Variants in LACC1 observed in about 807,000 individuals in gnomAD.
LACC1 encodes laccase domain multifunctional purine nucleosidase 1.
In LACC1, 25 loss-of-function variants were observed where a neutral mutation model predicts 34.8. The observed-to-expected ratio is 0.72, with a 90% CI of 0.52 to 1.00. LACC1 has a LOEUF of 1.00. Among genes scored for constraint, LACC1 ranks in the 50% least tolerant of loss-of-function variants. LACC1 has a pLI of 0.00. For missense variants in LACC1, 426 were observed against 511.2 expected (o/e 0.83, Z 1.61); for synonymous variants, 162 against 168.0 (o/e 0.96, Z 0.28).
intron 3 of LACC1, among the ~76,000 whole-genome samples, chr13:43,882,581 A>ATATATATATG: frequency 6.7e-6 from 1 of 148,336 alleles, no homozygotes; most frequent in South Asian, 2.1e-4. Flanking sequence ...ATATATATAT[A>ATATATATATG]TATATGCACA....
At chr13:43,881,825 G>A (rs569370422) in intron 2 of LACC1, among the ~76,000 whole-genome samples, 1 of 152,278 alleles carries the variant, frequency 6.6e-6, no homozygotes, top group South Asian at 2.1e-4. Context: ...TGAGATTTAT[G>A]ACACTGAAAA....
At chr13:43,882,113 C>A in intron 2 of LACC1, 72 bp from the exon 3 acceptor site, 1 of 1,168,230 alleles carries the variant, frequency 8.6e-7, no homozygotes, top group Non-Finnish European at 1.2e-6. Flanking sequence ...TAGCAGTGAT[C>A]AGGGAAGGTC....
chr13:43,891,422 C>T, intron 6 of LACC1, 27 bp from the exon 7 acceptor site: 1 of 971,914 alleles, frequency 1.0e-6, no homozygotes, highest in African/African-American at 1.8e-5. Flanking sequence ...GTAAGCGTCT[C>T]ATATTTGATT....
chr13:43,881,105 G>A lies in LACC1; in HGVS notation c.120G>A (p.Lys40=), dbSNP rs753772300. ...AATACCACCATGCTGCCAAGGCCAAGTTTCTCTGTATAATGTGTTGCAGTA... is the reference window on the plus strand; with the variant it reads ...AATACCACCATGCTGCCAAGGCCAAATTTCTCTGTATAATGTGTTGCAGTA... ...AVQYHHAAKA[K]FLCIMCCSNI... is the part of the protein sequence containing the mutation. The change falls in exon 2 of 7, where the codon AAG becomes AAA. Residue 40 remains lysine (K), a synonymous_variant. Transcript: ENST00000325686. 6.2e-7 allele frequency: 1 copy of A among 1,614,180 alleles called. No individual in the cohort carries two copies. The highest frequency in any genetic ancestry group is 1.1e-5 in the South Asian group (1 of 91,082).
At position 43,892,511 on chromosome 13, in the gene LACC1, G is replaced by A. The variant is rs1247916506; in HGVS notation, c.*1064G>A. On this transcript the variant is annotated 3_prime_UTR_variant, in exon 7 of 7. Coordinates refer to ENST00000325686, the MANE Select transcript of LACC1 (RefSeq NM_153218.4). The stretch of plus-strand genomic sequence containing the variant: ...AGATTGGCAACAAAGGGAGGGAGAA[G>A]GTTTGGAAAAAGAGAGAAGGATAAT... The A allele has an allele frequency of 6.6e-6, 1 of 151,888 alleles. No individual in the cohort carries two copies. The highest frequency in any genetic ancestry group is 6.6e-5 in the Admixed American group (1 of 15,232). 9.4% of individuals were successfully genotyped at this position (151,888 alleles called of 1,614,324 possible). A position where few individuals can be genotyped will look rare whatever the true frequency, so the allele number is the denominator to read the frequency against.
At chr13:43,879,778 T>TGAGGCGGGGC (rs1209415415), upstream of LACC1, 9,232 of 103,184 alleles carry the variant, frequency 0.089, 524 homozygotes, top group African/African-American at 0.16. Flanking sequence ...GGGGGCGAGG[T>TGAGGCGGGGC]GAGGCGGGGC....
chr13:43,889,213 G>A (rs1955463129), intron 5 of LACC1, among the ~76,000 whole-genome samples: 2 of 152,106 alleles, frequency 1.3e-5, no homozygotes, highest in Admixed American at 6.6e-5. Context: ...AAAAGTGAAG[G>A]AAGAAATATT....
intron 2 of LACC1, among the ~76,000 whole-genome samples, chr13:43,881,795 A>C (rs188578917): frequency 1.1e-4 from 16 of 152,336 alleles, no homozygotes; most frequent in Admixed American, 7.8e-4. Context: ...TGAGACAAAT[A>C]ATCTAGCCCT....
At chr13:43,884,007 T>C in intron 4 of LACC1, 71 bp downstream of exon 4, 1 of 1,306,588 alleles carries the variant, frequency 7.7e-7, no homozygotes, top group East Asian at 2.3e-5. Context: ...AATTTCTTTC[T>C]GATGGACATG....
In LACC1 at chr13:43,881,032, C is replaced by G. The variant is rs1292362932; in HGVS notation, c.47C>G (p.Ser16Cys). The G allele has an allele frequency of 1.2e-6, 2 of 1,613,948 alleles. No homozygotes were observed. The highest frequency in any genetic ancestry group is 1.7e-6 in the Non-Finnish European group (2 of 1,179,996). ...LIDLFGLKLN[S>C]QKNCHQTLLK... ...GATCTTTTTGGTTTGAAATTGAACTCTCAAAAAAACTGCCATCAGACATTA... is the reference window on the plus strand; with the variant it reads ...GATCTTTTTGGTTTGAAATTGAACTGTCAAAAAAACTGCCATCAGACATTA... Residue 16 changes from serine (S) to cysteine (C), a missense_variant, in exon 2 of 7, where the codon TCT becomes TGT. Ser to Cys is a moderately radical substitution (Grantham distance 112, BLOSUM62 -1). Coordinates refer to ENST00000325686, the MANE Select transcript of LACC1 (RefSeq NM_153218.4).
rs777244706 is a variant in LACC1 at position 43,888,912 on chromosome 13, A to G, written c.1063A>G (p.Asn355Asp). The part of the protein sequence containing the change: ...LPRESAEAFH[N>D]LHPACVQLFD... ...AAGGGAATCAGCAGAGGCATTTCAT[A>G]ATCTTCATCCTGCATGTGTACAACT... The change falls in exon 5 of 7, where the codon AAT (asparagine) becomes GAT (aspartate). Residue 355 changes from asparagine to aspartate, a missense_variant. By Grantham distance (23) the Asn-to-Asp change is conservative. Transcript: ENST00000325686. The G allele has an allele frequency of 6.2e-7, 1 of 1,613,930 alleles. No individual in the cohort carries two copies. The highest frequency in any genetic ancestry group is 1.7e-5 in the Admixed American group (1 of 59,994).
At chr13:43,884,875 G>C (rs1462954907) in intron 4 of LACC1, among the ~76,000 whole-genome samples, 1 of 152,038 alleles carries the variant, frequency 6.6e-6, no homozygotes, top group African/African-American at 2.4e-5. Context: ...TTTGAGTCTT[G>C]GCTCCTGGAT....
Position 43,883,809 on chromosome 13 carries a change from G to T in LACC1, c.780G>T (p.Lys260Asn), listed in dbSNP as rs371784997. 6 of 1,613,106 alleles carry T rather than the reference G, an allele frequency of 3.7e-6. No homozygotes were observed. The highest frequency in any genetic ancestry group is 1.7e-5 in the Admixed American group (1 of 59,918). The stretch of plus-strand genomic sequence containing the variant: ...ATGACATCTGGATTATGGGAAGAAA[G>T]GAGCCTGACTCTTATGATGGAATAA... ...HSNDIWIMGR[K>N]EPDSYDGITT... Residue 260 changes from lysine to asparagine, a missense_variant, in exon 4 of 7, where the codon AAG becomes AAT. Around this residue, in one of 2 missense-constraint regions of LACC1, gnomAD observed 209 missense variants for 300.3 expected, o/e 0.70. Coordinates refer to ENST00000325686, the MANE Select transcript of LACC1 (RefSeq NM_153218.4).
In LACC1 at chr13:43,881,530, C is replaced by A; in HGVS notation, c.545C>A (p.Thr182Asn). The stretch of plus-strand genomic sequence containing the variant: ...CTGAGAGGAAAATTAACTATTATCA[C>A]TTCTTCTTTGATCCCAGGTATATTA... ...PALRGKLTII[T>N]SSLIPDIFIH... Residue 182 changes from threonine to asparagine, a missense_variant, in exon 2 of 7, where the codon ACT becomes AAT. By Grantham distance (65) the Thr-to-Asn change is moderately conservative. Coordinates refer to ENST00000325686, the MANE Select transcript of LACC1 (RefSeq NM_153218.4). 6.2e-7 allele frequency: 1 copy of A among 1,601,462 alleles called. No individual in the cohort carries two copies. Among genetic ancestry groups the A allele is most frequent in the South Asian group, 1.1e-5 (1 of 89,826 alleles).
intron 5 of LACC1, 153 bp from the exon 6 acceptor site, chr13:43,889,961 T>C: frequency 1.7e-6 from 1 of 599,866 alleles, no homozygotes; most frequent in Non-Finnish European, 2.8e-6. Flanking sequence ...TTTCCCTGAC[T>C]AGTCCATGTT....
rs190806729 is a variant in LACC1, at chr13:43,892,289, G to A, written c.*842G>A. 1.3e-5 allele frequency: 2 copies of A among 150,488 alleles called. No homozygotes were observed. The highest frequency in any genetic ancestry group is 6.6e-5 in the Admixed American group (1 of 15,126). 9.3% of individuals were successfully genotyped at this position (150,488 alleles called of 1,614,324 possible). On this transcript the variant is annotated 3_prime_UTR_variant, in exon 7 of 7. Coordinates refer to ENST00000325686, the MANE Select transcript of LACC1 (RefSeq NM_153218.4). ...AAAGCATAGAGACTAGATAAGAGGCGATCAAAATATTTCAAAAAGAAATAA... is the reference window on the plus strand; with the variant it reads ...AAAGCATAGAGACTAGATAAGAGGCAATCAAAATATTTCAAAAAGAAATAA...
intron 4 of LACC1, among the ~76,000 whole-genome samples, chr13:43,887,210 A>G (rs1054710873): frequency 6.6e-6 from 1 of 152,160 alleles, no homozygotes; most frequent in South Asian, 2.1e-4. Context: ...TTCATTCTGT[A>G]CTTCCCATAA....
At position 43,881,307 on chromosome 13, in the gene LACC1, C is replaced by T. The variant is rs1376272976; in HGVS notation, c.322C>T (p.Pro108Ser). The part of the protein sequence containing the change: ...KNLSSIKVIV[P>S]RHRKTLMKAF... Reference sequence around the variant, plus strand: ...TCTGAGCAGCATTAAGGTAATTGTACCCAGGCACAGGAAGACATTAATGAA... The same window carrying T: ...TCTGAGCAGCATTAAGGTAATTGTATCCAGGCACAGGAAGACATTAATGAA... Residue 108 changes from proline (P) to serine (S), a missense_variant, in exon 2 of 7, where the codon CCC becomes TCC. Transcript: ENST00000325686. The T allele has an allele frequency of 1.9e-6, 3 of 1,613,904 alleles. No individual in the cohort carries two copies. Among genetic ancestry groups the T allele is most frequent in the Non-Finnish European group, 2.5e-6 (3 of 1,179,902 alleles).
In LACC1 at chr13:43,881,205, G is replaced by A; in HGVS notation, c.220G>A (p.Glu74Lys). 1.2e-6 allele frequency: 2 copies of A among 1,614,154 alleles called. No homozygotes were observed. Among genetic ancestry groups the A allele is most frequent in the Non-Finnish European group, 1.7e-6 (2 of 1,180,024 alleles). ...ETSNGLSALL[E>K]EFEIVSCPSM... ...AAGCAATGGATTATCAGCTCTCTTG[G>A]AAGAATTTGAGATTGTTAGCTGTCC... The change falls in exon 2 of 7, where the codon GAA (glutamate) becomes AAA (lysine). Residue 74 changes from glutamate (E) to lysine (K), a missense_variant. Glu to Lys is a moderately conservative substitution (Grantham distance 56). Transcript: ENST00000325686.
Sources: gnomAD v4.1 joint callset for allele counts (sites outside exome capture counted in the v4.1 genomes callset) on GRCh38, gnomAD v4.1.1 for gene constraint, gnomAD v4.1.1 regional missense constraint, MANE v1.5 for transcripts, NCBI Gene and HGNC (gene_info 2026-07-23, HGNC 2026-07-21) for gene names.